The following IQSEC3 variants were observed in gnomAD, a reference collection of about 807,000 sequenced individuals.
IQSEC3 encodes IQ motif and SEC7 domain-containing protein 3.
Under a neutral mutation model 105.4 loss-of-function variants are expected in IQSEC3, and 50 were observed. The ratio of observed to expected loss-of-function variants is 0.47; its 90% CI spans 0.38 to 0.60. The LOEUF (loss-of-function observed/expected upper bound fraction) is 0.60, where lower values mean the gene tolerates loss of function less well. Ranked by LOEUF, IQSEC3 falls within the 20% of genes least tolerant of loss-of-function variation. IQSEC3 has a pLI of 0.00. For synonymous variants in IQSEC3, 708 were observed against 746.0 expected (o/e 0.95, Z 0.83); for missense variants, 1,415 against 1,630.0 (o/e 0.87, Z 2.27).
In IQSEC3 at chr12:138,146, C is replaced by A; in HGVS notation, c.904-121C>A. The A allele has an allele frequency of 1.1e-6, 1 of 880,538 alleles. No homozygotes were observed. Among genetic ancestry groups the A allele is most frequent in the East Asian group, 2.6e-5 (1 of 38,208 alleles). 54.5% of individuals were successfully genotyped at this position (880,538 alleles called of 1,614,324 possible). A position where few individuals can be genotyped will look rare whatever the true frequency, so the allele number is the denominator to read the frequency against. Reference sequence around the variant, plus strand: ...AGACTTTAGCTGCCCAGGAGCGCCCCCCCGCCCCCGTCCATTCCTGGGCCC... The same window carrying A: ...AGACTTTAGCTGCCCAGGAGCGCCCACCCGCCCCCGTCCATTCCTGGGCCC... On this transcript the variant is annotated intron_variant, in intron 3 of 13. Coordinates refer to ENST00000538872, the MANE Select transcript of IQSEC3 (RefSeq NM_001170738.2). This position sits in a 1 kb window ranked among gnomAD's most constrained non-coding sequence, Gnocchi z 7.1.
At chr12:133,799 C>T (rs28564006) in intron 3 of IQSEC3, among the ~76,000 whole-genome samples, 30 of 138,220 alleles carry the variant, frequency 2.2e-4, no homozygotes, top group Admixed American at 7.4e-4. Context: ...GTTGGGTCAG[C>T]ATCTGGCATT....
intron 3 of IQSEC3, among the ~76,000 whole-genome samples, chr12:127,573 GAAA>G (rs782684462): frequency 6.9e-6 from 1 of 145,198 alleles, no homozygotes; most frequent in South Asian, 2.2e-4. Context: ...TGGTTTTAAT[GAAA>G]AAAAAAAAGT....
chr12:86,470 T>C (rs950644223), intron 1 of IQSEC3, among the ~76,000 whole-genome samples: 35 of 152,114 alleles, frequency 2.3e-4, no homozygotes, highest in Non-Finnish European at 3.1e-4. Context: ...GGCTTACTCA[T>C]TGGACCAGGC....
rs935402218 is a variant in IQSEC3, at chr12:155,124, G to A, written c.2154-1901G>A. 2.6e-5 allele frequency among the ~76,000 whole-genome samples: 4 copies of A among 152,352 alleles called. 1 individual carries two copies. Among genetic ancestry groups the A allele is most frequent in the Admixed American group, 2.6e-4 (4 of 15,312 alleles). The stretch of plus-strand genomic sequence containing the variant: ...GAACACACGGATGTGGCCGCATAGG[G>A]CCTTTGGCACTCACGTAGGGCTGCA... On this transcript the variant is annotated intron_variant, in intron 5 of 13. Coordinates refer to ENST00000538872, the MANE Select transcript of IQSEC3 (RefSeq NM_001170738.2).
rs150089915 is a variant in IQSEC3, at chr12:123,308, G to A, written c.624-2325G>A. Among the ~76,000 whole-genome samples, 1,056 of 152,202 alleles carry A rather than the reference G, an allele frequency of 6.9e-3. 15 individuals carry two copies. The highest frequency in any genetic ancestry group is 0.023 in the African/African-American group (972 of 41,494). On this transcript the variant is annotated intron_variant, in intron 2 of 13. Transcript: ENST00000538872. ...CACCTGTAGCCCGGTGTGGTGGTGCGTACCCACCTGGAGTCCCAGGTACTC... is the reference window on the plus strand; with the variant it reads ...CACCTGTAGCCCGGTGTGGTGGTGCATACCCACCTGGAGTCCCAGGTACTC...
At chr12:99,030 C>A (rs1294957150) in intron 1 of IQSEC3, 116 bp from the exon 2 acceptor site, 2 of 867,392 alleles carry the variant, frequency 2.3e-6, no homozygotes, top group Non-Finnish European at 3.5e-6. Context: ...TACACAGGGG[C>A]TCAAAAGGGC....
In IQSEC3 at chr12:125,388, GC is replaced by G. The variant is rs148455935; in HGVS notation, c.624-242del. Among the ~76,000 whole-genome samples the G allele has an allele frequency of 7.1e-3, 1,078 of 152,272 alleles. 12 individuals carry two copies. Among genetic ancestry groups the G allele is most frequent in the African/African-American group, 0.024 (1,013 of 41,542 alleles). On this transcript the variant is annotated intron_variant, in intron 2 of 13. Coordinates refer to ENST00000538872, the MANE Select transcript of IQSEC3 (RefSeq NM_001170738.2). Reference sequence around the variant, plus strand: ...ACTGCTTCTAAGCAGAGGCTCCTGAGCCCTGGCCATAGCTGCCCCTTCCCTC... The same window carrying G: ...ACTGCTTCTAAGCAGAGGCTCCTGAGCCTGGCCATAGCTGCCCCTTCCCTC...
chr12:94,754 C>T (rs1555074362), intron 1 of IQSEC3, among the ~76,000 whole-genome samples: 1 of 152,230 alleles, frequency 6.6e-6, no homozygotes, highest in East Asian at 1.9e-4. Flanking sequence ...TGGGAGGAAG[C>T]CTCTGGGAAA....
chr12:66,969 C>A lies in IQSEC3; in HGVS notation c.87C>A (p.Ile29=), dbSNP rs1413912752. 4.6e-5 allele frequency: 71 copies of A among 1,532,836 alleles called. No individual in the cohort carries two copies. The highest frequency in any genetic ancestry group is 5.7e-5 in the Non-Finnish European group (65 of 1,145,690). The allele number at this position is 1,532,836 out of a possible 1,614,324, so 95.0% of individuals were successfully genotyped here. ...TAIVQNQQSL[I]HTQRERIDEL... ...TCGTGCAGAACCAGCAGAGCCTCAT[C>A]CACACCCAGCGAGAGCGTATCGACG... Residue 29 remains isoleucine (I), a synonymous_variant, in exon 1 of 14, where the codon ATC becomes ATA. Transcript: ENST00000538872.
chr12:125,571 C>T (rs555855044), intron 2 of IQSEC3, 62 bp from the exon 3 acceptor site: 51 of 1,421,404 alleles, frequency 3.6e-5, no homozygotes, highest in Non-Finnish European at 4.2e-5. Flanking sequence ...CCCCGACCCC[C>T]ACATCCACAC....
At chr12:131,113 G>A (rs1426039025) in intron 3 of IQSEC3, among the ~76,000 whole-genome samples, 2 of 142,108 alleles carry the variant, frequency 1.4e-5, no homozygotes, top group African/African-American at 5.2e-5. Context: ...ATCTTTCAGC[G>A]GCCTCTTCAG....
chr12:102,335 A>T (rs1591653718), intron 2 of IQSEC3, among the ~76,000 whole-genome samples: 1 of 152,198 alleles, frequency 6.6e-6, no homozygotes, highest in Admixed American at 6.5e-5. Flanking sequence ...AAGGAATCCA[A>T]AGTCAGTGAA....
Position 125,686 on chromosome 12 carries a change from C to T in IQSEC3, c.677C>T (p.Ala226Val), listed in dbSNP as rs782013881. ...GGCATGGAGGACTCCGTGGTGGCAG[C>T]GGCGGCGGTGGCAGCCGGCAGACCC... ...GGGMEDSVVA[A>V]AAVAAGRPSA... is the part of the protein sequence containing the mutation. Residue 226 changes from alanine to valine, a missense_variant, in exon 3 of 14, where the codon GCG becomes GTG. Ala to Val is a moderately conservative substitution (Grantham distance 64). This residue lies in a region of IQSEC3 where 720 missense variants were observed against 633.0 expected (regional missense o/e 1.14). Coordinates refer to ENST00000538872, the MANE Select transcript of IQSEC3 (RefSeq NM_001170738.2). 1.0e-4 allele frequency: 158 copies of T among 1,534,106 alleles called. No homozygotes were observed. The highest frequency in any genetic ancestry group is 3.7e-4 in the Admixed American group (19 of 51,128).
At chr12:75,630 G>A (rs782638468) in intron 1 of IQSEC3, among the ~76,000 whole-genome samples, 45 of 152,250 alleles carry the variant, frequency 3.0e-4, no homozygotes, top group Admixed American at 5.9e-4. Flanking sequence ...AGAGCTGGCA[G>A]GCAGCAGAGG....
intron 1 of IQSEC3, among the ~76,000 whole-genome samples, chr12:90,401 T>G (rs1864045844): frequency 6.6e-6 from 1 of 152,350 alleles, no homozygotes; most frequent in African/African-American, 2.4e-5. Flanking sequence ...ATGAAATCTT[T>G]GCATATCCTA....
chr12:77,868 G>T (rs1555069667), intron 1 of IQSEC3, among the ~76,000 whole-genome samples: 1 of 150,720 alleles, frequency 6.6e-6, no homozygotes, highest in African/African-American at 2.4e-5. Context: ...CCTACGTGGG[G>T]AGGGAACGTG....
intron 4 of IQSEC3, chr12:139,563 A>C (rs542140547): frequency 2.3e-6 from 1 of 442,490 alleles, no homozygotes; most frequent in South Asian, 7.6e-5. Flanking sequence ...AGTTTATTTT[A>C]AGAAAGATTA....
intron 13 of IQSEC3, 110 bp downstream of exon 13, chr12:171,271 C>T (rs1555100195): frequency 4.3e-6 from 7 of 1,613,916 alleles, no homozygotes; most frequent in South Asian, 2.2e-5. Flanking sequence ...CTCCCCAGCC[C>T]GACTCACCAT....
intron 1 of IQSEC3, among the ~76,000 whole-genome samples, chr12:76,662 T>C (rs1863541158): frequency 6.6e-6 from 1 of 152,244 alleles, no homozygotes; most frequent in Admixed American, 6.5e-5. Flanking sequence ...GTCTGGAGCA[T>C]GCGGGAGACC....
Sources: allele counts gnomAD v4.1 joint callset (sites outside exome capture counted in the v4.1 genomes callset), GRCh38; gene constraint gnomAD v4.1.1; regional missense constraint gnomAD v4.1.1; non-coding constraint Gnocchi (gnomAD v3.1); transcripts MANE v1.5; gene names NCBI Gene and HGNC (gene_info 2026-07-23, HGNC 2026-07-21).